Variants in ADCY8 observed in about 807,000 individuals in gnomAD.
ADCY8 encodes the protein adenylate cyclase 8, also known as adenylate cyclase type 8.
Under a neutral mutation model 119.7 loss-of-function variants are expected in ADCY8, and 51 were observed. That is an observed-to-expected ratio of 0.43 (90% confidence interval 0.34 to 0.54). The LOEUF is 0.54. ADCY8 is among the 20% of genes least tolerant of loss of function. The probability of loss-of-function intolerance (pLI) is 0.03; values close to 1 mark genes in which losing one functional copy is unlikely to be tolerated. For missense variants in ADCY8, 1,383 were observed against 1,598.8 expected (o/e 0.87, Z 2.30); for synonymous variants, 665 against 651.0 (o/e 1.02, Z -0.33).
chr8:130,810,821 C>G (rs1383074590), intron 14 of ADCY8, among the ~76,000 whole-genome samples: 1 of 152,220 alleles, frequency 6.6e-6, no homozygotes, highest in Non-Finnish European at 1.5e-5. Flanking sequence ...GCCTGAATGA[C>G]AGCTGATGAC....
At chr8:131,025,774 A>G (rs955674167) in intron 1 of ADCY8, among the ~76,000 whole-genome samples, 1 of 152,244 alleles carries the variant, frequency 6.6e-6, no homozygotes, top group Non-Finnish European at 1.5e-5. Flanking sequence ...GCACAAGTGC[A>G]GGGTCAGCCC....
chr8:130,800,140 T>C (rs967905245), intron 15 of ADCY8, among the ~76,000 whole-genome samples: 1 of 152,196 alleles, frequency 6.6e-6, no homozygotes, highest in Non-Finnish European at 1.5e-5. Flanking sequence ...CATAGAGGCC[T>C]CTAGTCAAGT....
chr8:130,798,989 C>T (rs1815679424), intron 15 of ADCY8, among the ~76,000 whole-genome samples: 2 of 152,070 alleles, frequency 1.3e-5, no homozygotes, highest in African/African-American at 2.4e-5. Context: ...TTTGCAACAA[C>T]ATGGATGGGT....
At chr8:131,019,831 C>CTGTCTG (rs1234611785) in intron 1 of ADCY8, among the ~76,000 whole-genome samples, 156 of 100,476 alleles carry the variant, frequency 1.6e-3, no homozygotes, top group South Asian at 3.0e-3. Context: ...CTCTCTCTCT[C>CTGTCTG]TCTCTCTGTC....
intron 11 of ADCY8, among the ~76,000 whole-genome samples, chr8:130,840,877 G>A (rs867654530): frequency 3.3e-5 from 5 of 152,278 alleles, no homozygotes; most frequent in Non-Finnish European, 5.9e-5. Context: ...TCTGATACAG[G>A]AAGCAGACAA....
At chr8:130,848,659 G>A (rs1817412079) in intron 10 of ADCY8, among the ~76,000 whole-genome samples, 3 of 152,192 alleles carry the variant, frequency 2.0e-5, no homozygotes, top group Admixed American at 2.0e-4. Context: ...AGGGCACAGT[G>A]ATGGATTCAA....
Position 130,840,451 on chromosome 8 carries a change from A to G in ADCY8, c.2503-4002T>C, listed in dbSNP as rs1332668136. The stretch of plus-strand genomic sequence containing the variant: ...ATGTGAGGAGGAGAACTAGAAGACA[A>G]TAGTGAAGAAACATGTGCCCGAAGA... On this transcript the variant is annotated intron_variant, in intron 11 of 17. Coordinates refer to ENST00000286355, the MANE Select transcript of ADCY8 (RefSeq NM_001115.3). Among the ~76,000 whole-genome samples the G allele has an allele frequency of 2.0e-5, 3 of 151,404 alleles. 1 individual carries two copies. The highest frequency in any genetic ancestry group is 4.4e-5 in the Non-Finnish European group (3 of 67,802).
At chr8:130,841,815 G>A (rs1439407790) in intron 11 of ADCY8, among the ~76,000 whole-genome samples, 1 of 152,174 alleles carries the variant, frequency 6.6e-6, no homozygotes, top group Admixed American at 6.5e-5. Context: ...GAAATCATCT[G>A]GACTTATTGC....
chr8:130,965,893 G>T (rs1821748004), intron 2 of ADCY8, among the ~76,000 whole-genome samples: 1 of 152,158 alleles, frequency 6.6e-6, no homozygotes, highest in Admixed American at 6.5e-5. Context: ...AAGGAAATTT[G>T]CAATTTCTGT....
chr8:130,910,015 C>T (rs912215685), intron 5 of ADCY8, 149 bp from the exon 6 acceptor site: 12 of 697,704 alleles, frequency 1.7e-5, no homozygotes, highest in Non-Finnish European at 2.8e-5. Flanking sequence ...ACCTCTGCCT[C>T]CCGGGTTCAC....
chr8:131,039,328 C>T, intron 1 of ADCY8, 46 bp downstream of exon 1: 3 of 1,595,132 alleles, frequency 1.9e-6, no homozygotes, highest in South Asian at 2.3e-5. Context: ...GATCAATAAC[C>T]CGGGGAAGTT....
chr8:130,990,827 G>C, intron 1 of ADCY8: 1 of 234,242 alleles, frequency 4.3e-6, no homozygotes, highest in Non-Finnish European at 8.3e-6. Flanking sequence ...GAATCTGGTT[G>C]GCTTCTTCAC....
chr8:130,856,718 C>T (rs921355086), intron 9 of ADCY8, among the ~76,000 whole-genome samples: 1 of 152,138 alleles, frequency 6.6e-6, no homozygotes, highest in South Asian at 2.1e-4. Context: ...ATATAAGTAG[C>T]TACATATATA....
intron 1 of ADCY8, among the ~76,000 whole-genome samples, chr8:130,991,242 T>C (rs1371096358): frequency 1.3e-5 from 2 of 152,186 alleles, no homozygotes; most frequent in Non-Finnish European, 2.9e-5. Flanking sequence ...ATACACAAAG[T>C]ATGAATTTCT....
intron 14 of ADCY8, among the ~76,000 whole-genome samples, chr8:130,802,174 A>G (rs949283922): frequency 5.3e-5 from 8 of 151,650 alleles, no homozygotes; most frequent in Non-Finnish European, 1.2e-4. Context: ...GCCTGTGTCT[A>G]CTGCATTGCT....
chr8:130,905,719 G>C (rs1027998986), intron 6 of ADCY8, among the ~76,000 whole-genome samples: 2 of 152,080 alleles, frequency 1.3e-5, no homozygotes, highest in Non-Finnish European at 2.9e-5. Flanking sequence ...AGTTAGCTGG[G>C]CGTGGTGGTG....
chr8:130,970,128 C>T (rs1030763516), intron 2 of ADCY8, among the ~76,000 whole-genome samples: 4 of 152,156 alleles, frequency 2.6e-5, no homozygotes, highest in African/African-American at 9.7e-5. Flanking sequence ...ACTCAGTTGC[C>T]TGCTCCCTAG....
At chr8:130,988,601 A>G (rs778364455) in intron 2 of ADCY8, among the ~76,000 whole-genome samples, 8 of 152,192 alleles carry the variant, frequency 5.3e-5, no homozygotes, top group Non-Finnish European at 1.2e-4. Context: ...CTAGGAAGTA[A>G]TAAGAGCCAT....
At chr8:130,875,166 T>C (rs1167608541) in intron 8 of ADCY8, among the ~76,000 whole-genome samples, 1 of 152,134 alleles carries the variant, frequency 6.6e-6, no homozygotes, top group Non-Finnish European at 1.5e-5. Context: ...TAGAAACAGC[T>C]GTAATTTTGC....
Sources: allele counts gnomAD v4.1 joint callset (sites outside exome capture counted in the v4.1 genomes callset), GRCh38; gene constraint gnomAD v4.1.1; transcripts MANE v1.5; gene names NCBI Gene and HGNC (gene_info 2026-07-23, HGNC 2026-07-21).